PLCD4: variants seen among roughly 807,000 people sequenced by gnomAD.
PLCD4 encodes the protein 1-phosphatidylinositol 4,5-bisphosphate phosphodiesterase delta-4.
A neutral mutation model predicts 90.2 loss-of-function variants in PLCD4; 63 were observed. The observed-to-expected ratio is 0.70, with a 90% CI of 0.57 to 0.86. The LOEUF (loss-of-function observed/expected upper bound fraction) is 0.86, where lower values mean the gene tolerates loss of function less well. Among genes scored for constraint, PLCD4 ranks in the 40% least tolerant of loss-of-function variants. The probability of loss-of-function intolerance (pLI) is 0.00; values close to 1 mark genes in which losing one functional copy is unlikely to be tolerated. For missense variants in PLCD4, 830 were observed against 956.3 expected (o/e 0.87, Z 1.74); for synonymous variants, 294 against 356.5 (o/e 0.82, Z 1.97).
At chr2:218,619,295 T>C (rs1252471174) in intron 4 of PLCD4, among the ~76,000 whole-genome samples, 1 of 151,398 alleles carries the variant, frequency 6.6e-6, no homozygotes. Flanking sequence ...ATATATGTTT[T>C]GTTTTGTTTT....
Position 218,610,734 on chromosome 2 carries a change from TC to T in PLCD4, c.-34+2666del, listed in dbSNP as rs747540703. ...ATGGAGACCTGGGTTCTTTTTTTTT[TC>T]CTCCTGCCCAAGACAGAGTTTTGCT... is the stretch of plus-strand genomic sequence containing the variant. On this transcript the variant is annotated intron_variant, in intron 1 of 15. Coordinates refer to ENST00000450993, the MANE Select transcript of PLCD4 (RefSeq NM_032726.4). 2.7e-3 allele frequency among the ~76,000 whole-genome samples: 409 copies of T among 151,954 alleles called. 1 individual carries two copies. Among genetic ancestry groups the T allele is most frequent in the Non-Finnish European group, 4.0e-3 (269 of 67,910 alleles).
At position 218,622,720 on chromosome 2, in the gene PLCD4, G is replaced by A. The variant is rs894233666; in HGVS notation, c.614G>A (p.Arg205His). 6 of 1,613,898 alleles carry A rather than the reference G, an allele frequency of 3.7e-6. No homozygotes were observed. Among genetic ancestry groups the A allele is most frequent in the African/African-American group, 1.3e-5 (1 of 74,914 alleles). ...CAGTTCTATAAGGCATTGACTAAAC[G>A]TGCTGAGGTGCAGGAACTGTTTGAA... The part of the protein sequence containing the change: ...FVQFYKALTK[R>H]AEVQELFESF... Residue 205 changes from arginine (R) to histidine (H), a missense_variant, in exon 6 of 16, where the codon CGT becomes CAT. Physicochemically the swap from Arg to His is conservative, Grantham distance 29 (BLOSUM62 0). Transcript: ENST00000450993.
intron 4 of PLCD4, among the ~76,000 whole-genome samples, chr2:218,619,777 A>G (rs1251635570): frequency 6.6e-6 from 1 of 152,210 alleles, no homozygotes; most frequent in African/African-American, 2.4e-5. Context: ...CTGCGTCTCT[A>G]CAAAAAATTA....
intron 14 of PLCD4, 107 bp from the exon 15 acceptor site, chr2:218,636,136 C>T: frequency 2.9e-6 from 4 of 1,399,480 alleles, no homozygotes; most frequent in Admixed American, 1.9e-5. Flanking sequence ...TTTTCCTTAC[C>T]TGTAAAATGC....
rs1294861831 is a variant in PLCD4 at position 218,634,298 on chromosome 2, G to A, written c.1723+77G>A. 6.4e-7 allele frequency: 1 copy of A among 1,571,608 alleles called. No homozygotes were observed. Among genetic ancestry groups the A allele is most frequent in the Non-Finnish European group, 8.6e-7 (1 of 1,158,664 alleles). On this transcript the variant is annotated intron_variant, in intron 12 of 15. Transcript: ENST00000450993. This position sits in a 1 kb window ranked among gnomAD's most constrained non-coding sequence, Gnocchi z 4.0. ...AAATAAGTTCTCTAGTGATGGTAGG[G>A]TTGGGGAATGCTCAAGAAAATTGCT... is the stretch of plus-strand genomic sequence containing the variant.
At chr2:218,629,291 T>G in intron 7 of PLCD4, 1 of 483,960 alleles carries the variant, frequency 2.1e-6, no homozygotes, top group Non-Finnish European at 3.7e-6. Context: ...GTGTGATGGA[T>G]TGCTATGGAA....
chr2:218,621,737 G>A (rs2106137204), intron 5 of PLCD4, 138 bp downstream of exon 5: 1 of 1,134,294 alleles, frequency 8.8e-7, no homozygotes, highest in East Asian at 2.4e-5. Context: ...AATGCCCTAG[G>A]CTCAATGGGA....
At position 218,618,502 on chromosome 2, in the gene PLCD4, G is replaced by T. The variant is rs550515163; in HGVS notation, c.182-77G>T. ...TCTATGGTGTCATGGAGAAGGGGGT[G>T]CTGGTCCTTCACTCTTAGCCCCTGC... On this transcript the variant is annotated intron_variant, in intron 3 of 15. Transcript: ENST00000450993. The T allele has an allele frequency of 9.5e-6, 12 of 1,269,646 alleles. No homozygotes were observed. In the South Asian group the frequency reaches 1.2e-4, roughly 12 times the overall value. 78.6% of individuals were successfully genotyped at this position (1,269,646 alleles called of 1,614,324 possible).
chr2:218,625,870 G>T (rs1488587397), intron 6 of PLCD4, among the ~76,000 whole-genome samples: 1 of 152,206 alleles, frequency 6.6e-6, no homozygotes, highest in East Asian at 1.9e-4. Flanking sequence ...GGAGGCGGAG[G>T]TTGCAGTGAG....
At chr2:218,625,049 T>G (rs1696046617) in intron 6 of PLCD4, among the ~76,000 whole-genome samples, 1 of 76,604 alleles carries the variant, frequency 1.3e-5, no homozygotes, top group Admixed American at 1.5e-4. Flanking sequence ...GAGGCAGAGG[T>G]TGCAGCAGTG....
In PLCD4 at chr2:218,625,992, G is replaced by A. The variant is rs571721529; in HGVS notation, c.773-2037G>A. Among the ~76,000 whole-genome samples, 11 of 151,954 alleles carry A rather than the reference G, an allele frequency of 7.2e-5. No homozygotes were observed. The South Asian group carries it at 2.3e-3, about 32-fold the overall frequency. On this transcript the variant is annotated intron_variant, in intron 6 of 15. Transcript: ENST00000450993. ...AAGAATGAAACTTCCACCAGGTATG[G>A]TAGCTCATGCCTATAATATGGGAGG... is the stretch of plus-strand genomic sequence containing the variant.
intron 1 of PLCD4, among the ~76,000 whole-genome samples, chr2:218,612,009 A>G (rs1183035858): frequency 6.6e-6 from 1 of 151,294 alleles, no homozygotes; most frequent in Non-Finnish European, 1.5e-5. Context: ...GCTCATTGCA[A>G]CCTCTGCCTC....
At chr2:218,636,050 G>T in intron 14 of PLCD4, 119 bp downstream of exon 14, 1 of 1,500,808 alleles carries the variant, frequency 6.7e-7, no homozygotes. Flanking sequence ...AGGCAGTGTG[G>T]AACAGTACAA....
In PLCD4 at chr2:218,636,984, C is replaced by T; in HGVS notation, c.*407C>T. The T allele has an allele frequency of 2.2e-6, 1 of 450,680 alleles. No individual in the cohort carries two copies. The highest frequency in any genetic ancestry group is 1.6e-5 in the South Asian group (1 of 63,244). 27.9% of individuals were successfully genotyped at this position (450,680 alleles called of 1,614,324 possible). A position where few individuals can be genotyped will look rare whatever the true frequency, so the allele number is the denominator to read the frequency against. On this transcript the variant is annotated 3_prime_UTR_variant, in exon 16 of 16. Coordinates refer to ENST00000450993, the MANE Select transcript of PLCD4 (RefSeq NM_032726.4). Reference sequence around the variant, plus strand: ...CTAAAGAAGCATCATCCCCTCCATCCCCAACTTCCTCAAAGCCCAAAGCCA... The same window carrying T: ...CTAAAGAAGCATCATCCCCTCCATCTCCAACTTCCTCAAAGCCCAAAGCCA...
Position 218,630,821 on chromosome 2 carries a change from C to T in PLCD4, c.1272+19C>T. 3 of 1,598,116 alleles carry T rather than the reference C, an allele frequency of 1.9e-6. No homozygotes were observed. Among genetic ancestry groups the T allele is most frequent in the Non-Finnish European group, 2.6e-6 (3 of 1,170,808 alleles). ...GCCTGAGGTAGGGACACTGTTCCTCCAGCCCAGGCTCTGCTGTGGCTTCTG... is the reference window on the plus strand; with the variant it reads ...GCCTGAGGTAGGGACACTGTTCCTCTAGCCCAGGCTCTGCTGTGGCTTCTG... On this transcript the variant is annotated intron_variant, in intron 9 of 15. Transcript: ENST00000450993.
chr2:218,613,290 C>T (rs2106118271), intron 1 of PLCD4, among the ~76,000 whole-genome samples: 1 of 149,512 alleles, frequency 6.7e-6, no homozygotes, highest in South Asian at 2.1e-4. Context: ...ACTTAGGAGG[C>T]TGAGGCAGGA....
chr2:218,625,008 A>T (rs1393521809), intron 6 of PLCD4, among the ~76,000 whole-genome samples: 1 of 140,350 alleles, frequency 7.1e-6, no homozygotes, highest in African/African-American at 2.7e-5. Context: ...GTTACTCGGG[A>T]GGCTGAGACA....
At position 218,631,999 on chromosome 2, in the gene PLCD4, A is replaced by C. The variant is rs1575036875; in HGVS notation, c.1273-137A>C. ...ATGGGAATTCCAATTGTATGTATCA[A>C]GCAGCTAATCTCTTCCCTCGGGAAC... On this transcript the variant is annotated intron_variant, in intron 9 of 15. Transcript: ENST00000450993. The C allele has an allele frequency of 2.4e-5, 20 of 820,568 alleles. No homozygotes were observed. The East Asian group carries it at 5.2e-4, about 21-fold the overall frequency. The allele number at this position is 820,568 out of a possible 1,614,324, so 50.8% of individuals were successfully genotyped here. A position where few individuals can be genotyped will look rare whatever the true frequency, so the allele number is the denominator to read the frequency against.
At chr2:218,612,474 A>G (rs917902214) in intron 1 of PLCD4, among the ~76,000 whole-genome samples, 10 of 152,144 alleles carry the variant, frequency 6.6e-5, no homozygotes, top group Non-Finnish European at 1.5e-4. Context: ...ATTACTACCC[A>G]TTTAGAGAGG....
Sources: gnomAD v4.1 joint callset for allele counts (sites outside exome capture counted in the v4.1 genomes callset) on GRCh38, gnomAD v4.1.1 for gene constraint, Gnocchi (gnomAD v3.1) non-coding constraint, MANE v1.5 for transcripts, NCBI Gene and HGNC (gene_info 2026-07-23, HGNC 2026-07-21) for gene names.